Variants in PDE4D observed in about 807,000 individuals in gnomAD.
The protein encoded by PDE4D is 3',5'-cyclic-AMP phosphodiesterase 4D.
Under a neutral mutation model 87.4 loss-of-function variants are expected in PDE4D, and 24 were observed. The ratio of observed to expected loss-of-function variants is 0.27; its 90% confidence interval spans 0.20 to 0.39. The LOEUF (loss-of-function observed/expected upper bound fraction) is 0.39, where lower values mean the gene tolerates loss of function less well. Among genes scored for constraint, PDE4D ranks in the 10% least tolerant of loss-of-function variants. The probability of loss-of-function intolerance (pLI) is 1.00; values close to 1 mark genes in which losing one functional copy is unlikely to be tolerated. For missense variants in PDE4D, 714 were observed against 1,041.0 expected (o/e 0.69, Z 4.32); for synonymous variants, 384 against 383.2 (o/e 1.00, Z -0.02).
intron 2 of PDE4D, among the ~76,000 whole-genome samples, chr5:60,058,524 A>G (rs1391118636): frequency 6.6e-6 from 1 of 152,022 alleles, no homozygotes; most frequent in African/African-American, 2.4e-5. Context: ...AAAGATATAA[A>G]TGAAAGTAAT....
At chr5:59,699,193 T>C (rs994923593) in intron 1 of PDE4D, among the ~76,000 whole-genome samples, 2 of 152,144 alleles carry the variant, frequency 1.3e-5, no homozygotes, top group Admixed American at 1.3e-4. Flanking sequence ...AATAGTTCCA[T>C]GGAACACACA....
rs142495533 is a variant in PDE4D at position 59,220,970 on chromosome 5, T to G, written c.456-5002A>C. On this transcript the variant is annotated intron_variant, in intron 1 of 14. Transcript: ENST00000340635. Reference sequence around the variant, plus strand: ...ATGATGGTGGCAATAATAATAATGTTAATAACAATAAAACTTCTGGAGCAC... The same window carrying G: ...ATGATGGTGGCAATAATAATAATGTGAATAACAATAAAACTTCTGGAGCAC... Among the ~76,000 whole-genome samples, 313 of 152,214 alleles carry G rather than the reference T, an allele frequency of 2.1e-3. 1 individual carries two copies. Among genetic ancestry groups the G allele is most frequent in the African/African-American group, 6.9e-3 (288 of 41,510 alleles).
intron 1 of PDE4D, among the ~76,000 whole-genome samples, chr5:60,316,281 C>T (rs1755585754): frequency 6.6e-6 from 1 of 152,054 alleles, no homozygotes; most frequent in South Asian, 2.1e-4. Flanking sequence ...ATTTGGCTCT[C>T]TGTTTGTCTG....
chr5:59,757,881 C>T (rs1442524521), intron 1 of PDE4D, among the ~76,000 whole-genome samples: 1 of 152,184 alleles, frequency 6.6e-6, no homozygotes, highest in Non-Finnish European at 1.5e-5. Context: ...TTCTCCTACA[C>T]ACACATATTT....
At position 60,009,147 on chromosome 5, in the gene PDE4D, C is replaced by A. The variant is rs139465124; in HGVS notation, c.43-20430G>T. 3.5e-4 allele frequency among the ~76,000 whole-genome samples: 54 copies of A among 152,170 alleles called. 1 individual carries two copies. The highest frequency in any genetic ancestry group is 1.1e-3 in the African/African-American group (46 of 41,556). ...AGTATCATCAACTGCCTTCCTACATCTTAAGCATAAGTTCATCATGGAAGG... is the reference window on the plus strand; with the variant it reads ...AGTATCATCAACTGCCTTCCTACATATTAAGCATAAGTTCATCATGGAAGG... On this transcript the variant is annotated intron_variant, in intron 2 of 16. Coordinates refer to the PDE4D transcript ENST00000502484.
intron 2 of PDE4D, among the ~76,000 whole-genome samples, chr5:60,105,785 T>C (rs969893184): frequency 6.6e-6 from 1 of 152,086 alleles, no homozygotes; most frequent in Non-Finnish European, 1.5e-5. Flanking sequence ...GAAGGAGAAA[T>C]AAAATCCTTT....
At chr5:59,551,280 TTA>T (rs1230331718) in intron 1 of PDE4D, among the ~76,000 whole-genome samples, 1 of 149,346 alleles carries the variant, frequency 6.7e-6, no homozygotes, top group African/African-American at 2.4e-5. Context: ...ATTAATAAAA[TTA>T]TATATTATAT....
In PDE4D at chr5:60,192,169, T is replaced by C. The variant is rs932600750; in HGVS notation, c.-89-6482A>G. Among the ~76,000 whole-genome samples, 42 of 152,036 alleles carry C rather than the reference T, an allele frequency of 2.8e-4. 1 individual carries two copies. ...ATTAATAAGTAGAAATTTTGCAAAA[T>C]TGGAAATAAAATTATATCAAAATAT... On this transcript the variant is annotated intron_variant, in intron 1 of 16. Transcript: ENST00000502484.
chr5:59,306,413 AC>A (rs1157987692), intron 1 of PDE4D, among the ~76,000 whole-genome samples: 1 of 152,170 alleles, frequency 6.6e-6, no homozygotes, highest in Non-Finnish European at 1.5e-5. Flanking sequence ...AATGTGAGGT[AC>A]CATTGCATTC....
rs10693866 is a variant in PDE4D, at chr5:59,215,552, C to CGTGTGTGTGTGT, written c.647+213_647+224dup. On this transcript the variant is annotated intron_variant, in intron 2 of 14. Transcript: ENST00000340635. ...TATTTTCTGGGAAAATAAATACATG[C>CGTGTGTGTGTGT]GTGTGTGTGTGTGTGTGTGTGTGTG... is the stretch of plus-strand genomic sequence containing the variant. 1.9e-5 allele frequency: 7 copies of CGTGTGTGTGTGT among 364,214 alleles called. No homozygotes were observed. The East Asian group carries it at 3.2e-4, about 17-fold the overall frequency. The allele number at this position is 364,214 out of a possible 1,614,324, so 22.6% of individuals were successfully genotyped here.
chr5:59,700,200 G>T (rs1458965883), intron 1 of PDE4D, among the ~76,000 whole-genome samples: 1 of 152,136 alleles, frequency 6.6e-6, no homozygotes, highest in Non-Finnish European at 1.5e-5. Context: ...AGTCTCTATT[G>T]TTTCTGGTTT....
At chr5:59,636,768 G>A (rs1226715965) in intron 1 of PDE4D, among the ~76,000 whole-genome samples, 1 of 152,180 alleles carries the variant, frequency 6.6e-6, no homozygotes, top group Non-Finnish European at 1.5e-5. Flanking sequence ...ATGGATTAAA[G>A]ACTTAAACTT....
chr5:59,478,044 G>A (rs1582792359), intron 1 of PDE4D, among the ~76,000 whole-genome samples: 1 of 151,958 alleles, frequency 6.6e-6, no homozygotes, highest in Admixed American at 6.6e-5. Flanking sequence ...ACTACTAGAA[G>A]GGGAAGGGAG....
In PDE4D at chr5:59,300,462, G is replaced by A. The variant is rs577681116; in HGVS notation, c.456-84494C>T. Among the ~76,000 whole-genome samples the A allele has an allele frequency of 3.3e-5, 5 of 152,144 alleles. No homozygotes were observed. In the East Asian group the frequency reaches 5.8e-4, roughly 18 times the overall value. ...TAATCAATAATAAATCCTAAATTCC[G>A]AGTTAATGTCTGTGCTGTTTTGAAC... On this transcript the variant is annotated intron_variant, in intron 1 of 14. Transcript: ENST00000340635.
At chr5:60,370,901 A>C (rs1760974545) in intron 1 of PDE4D, among the ~76,000 whole-genome samples, 1 of 152,070 alleles carries the variant, frequency 6.6e-6, no homozygotes, top group African/African-American at 2.4e-5. Flanking sequence ...AAATGAGTGA[A>C]TTGTCCCTTT....
chr5:59,857,741 C>T (rs1745652294), intron 1 of PDE4D, among the ~76,000 whole-genome samples: 1 of 151,716 alleles, frequency 6.6e-6, no homozygotes, highest in African/African-American at 2.4e-5. Flanking sequence ...CCAAGGAATA[C>T]AGGTGAGGAA....
intron 1 of PDE4D, among the ~76,000 whole-genome samples, chr5:59,703,052 C>T (rs1752837956): frequency 6.6e-6 from 1 of 152,070 alleles, no homozygotes. Flanking sequence ...TAAAGCGTCA[C>T]ATAGAAATGT....
At chr5:59,795,660 C>T (rs952917186) in intron 1 of PDE4D, among the ~76,000 whole-genome samples, 1 of 152,156 alleles carries the variant, frequency 6.6e-6, no homozygotes, top group Non-Finnish European at 1.5e-5. Flanking sequence ...CCTCGGACCA[C>T]ACTGTCGGCT....
At chr5:59,643,922 A>G (rs1223390155) in intron 1 of PDE4D, among the ~76,000 whole-genome samples, 5 of 152,214 alleles carry the variant, frequency 3.3e-5, no homozygotes, top group African/African-American at 7.2e-5. Context: ...CCCTCCCTCA[A>G]TATCAATAAT....
Sources: gnomAD v4.1 joint callset for allele counts (sites outside exome capture counted in the v4.1 genomes callset) on GRCh38, gnomAD v4.1.1 for gene constraint, MANE v1.5 for transcripts, NCBI Gene and HGNC (gene_info 2026-07-23, HGNC 2026-07-21) for gene names.